Variants in GRB10 observed in about 807,000 individuals in gnomAD.
GRB10 encodes growth factor receptor-bound protein 10.
Under a neutral mutation model 80.9 loss-of-function variants are expected in GRB10, and 20 were observed. That is an observed-to-expected ratio of 0.25 (90% CI 0.17 to 0.36). The LOEUF (loss-of-function observed/expected upper bound fraction) is 0.36. Among genes scored for constraint, GRB10 ranks in the 10% least tolerant of loss-of-function variants. The pLI is 1.00. For missense variants in GRB10, 548 were observed against 747.7 expected, an observed-to-expected ratio of 0.73 and a Z score of 3.12; for synonymous variants, 291 against 291.5, an observed-to-expected ratio of 1.00 and a Z score of 0.02.
At chr7:50,686,242 C>A (rs1370946013) in intron 5 of GRB10, among the ~76,000 whole-genome samples, 2 of 152,122 alleles carry the variant, frequency 1.3e-5, no homozygotes, top group East Asian at 3.9e-4. Context: ...TGGAGAGACC[C>A]TTCCCCATTC....
At chr7:50,627,285 G>A (rs972498474) in intron 7 of GRB10, among the ~76,000 whole-genome samples, 2 of 152,140 alleles carry the variant, frequency 1.3e-5, no homozygotes, top group Non-Finnish European at 2.9e-5. Flanking sequence ...AGAAGTGACA[G>A]GATTCACAGG....
chr7:50,617,066 T>G (rs1417427910), intron 10 of GRB10, among the ~76,000 whole-genome samples: 2 of 152,176 alleles, frequency 1.3e-5, no homozygotes, highest in Non-Finnish European at 2.9e-5. Context: ...AAGAGATCAC[T>G]GCACATCTTC....
chr7:50,725,031 T>C (rs2068374474), intron 4 of GRB10, among the ~76,000 whole-genome samples: 1 of 152,206 alleles, frequency 6.6e-6, no homozygotes, highest in East Asian at 1.9e-4. Context: ...GCAAGGTAGC[T>C]GTGCCTGCTG....
intron 1 of GRB10, among the ~76,000 whole-genome samples, chr7:50,788,824 T>G (rs2078798660): frequency 6.6e-6 from 1 of 152,188 alleles, no homozygotes; most frequent in Non-Finnish European, 1.5e-5. Context: ...CTAGGATAAG[T>G]GCCTCTGTAA....
intron 12 of GRB10, among the ~76,000 whole-genome samples, chr7:50,613,404 T>C (rs1029938054): frequency 4.6e-5 from 7 of 152,006 alleles, no homozygotes; most frequent in Non-Finnish European, 1.0e-4. Context: ...CTCTGGAGAA[T>C]GAGACAGAAG....
At chr7:50,691,247 G>A (rs1316667153) in intron 5 of GRB10, among the ~76,000 whole-genome samples, 1 of 152,150 alleles carries the variant, frequency 6.6e-6, no homozygotes, top group Non-Finnish European at 1.5e-5. Flanking sequence ...CAAAAAGAAA[G>A]AAAATACTGG....
intron 2 of GRB10, among the ~76,000 whole-genome samples, chr7:50,778,191 A>C (rs888205018): frequency 2.0e-5 from 3 of 152,254 alleles, no homozygotes; most frequent in Non-Finnish European, 2.9e-5. Context: ...TTAAAGTGTC[A>C]TAATACATTG....
chr7:50,650,387 G>C (rs923018163), intron 7 of GRB10, among the ~76,000 whole-genome samples: 1 of 152,146 alleles, frequency 6.6e-6, no homozygotes, highest in Admixed American at 6.5e-5. Context: ...GGTCCTGGGA[G>C]GTCTGCAGAA....
chr7:50,755,302 C>T (rs1289654333), intron 3 of GRB10, among the ~76,000 whole-genome samples: 6 of 152,194 alleles, frequency 3.9e-5, no homozygotes, highest in Non-Finnish European at 8.8e-5. Flanking sequence ...AGAGAAGGTC[C>T]ATTCCCAGAA....
intron 4 of GRB10, among the ~76,000 whole-genome samples, chr7:50,728,213 A>G (rs1449693725): frequency 3.9e-5 from 1 of 25,834 alleles, no homozygotes; most frequent in African/African-American, 1.9e-4. Flanking sequence ...TAGCCAAAGT[A>G]TGGGGGGGGG....
At chr7:50,672,681 A>G (rs1317797817) in intron 6 of GRB10, among the ~76,000 whole-genome samples, 1 of 152,146 alleles carries the variant, frequency 6.6e-6, no homozygotes, top group East Asian at 1.9e-4. Flanking sequence ...TCGAGGTTCA[A>G]GGGTCCTGGG....
intron 10 of GRB10, 106 bp downstream of exon 10, chr7:50,617,965 G>T: frequency 1.0e-6 from 1 of 971,454 alleles, no homozygotes; most frequent in Non-Finnish European, 1.7e-6. Context: ...GTTATAAATG[G>T]TGAAAGATGC....
intron 5 of GRB10, among the ~76,000 whole-genome samples, chr7:50,687,045 T>C (rs1287055714): frequency 6.6e-6 from 1 of 152,164 alleles, no homozygotes; most frequent in African/African-American, 2.4e-5. Context: ...TACACGTTAG[T>C]TGAGTAGGTG....
At position 50,616,229 on chromosome 7, in the gene GRB10, G is replaced by A; in HGVS notation, c.965C>T (p.Ser322Phe). Reference protein sequence around the residue: ...VCLRRSGLYCSTKGTSKEPRH... With the variant: ...VCLRRSGLYCFTKGTSKEPRH... ...GCTCACCTTTGAAGTTCCCTTGGTG[G>A]AGCAATAAAGGCCAGATCTCCGCAA... The change falls in exon 11 of 19, where the codon TCC (serine) becomes TTC (phenylalanine). Residue 322 changes from serine to phenylalanine, a missense_variant. By Grantham distance (155) the Ser-to-Phe change is radical. Transcript: ENST00000401949. The A allele has an allele frequency of 6.2e-7, 1 of 1,614,162 alleles. No homozygotes were observed. Among genetic ancestry groups the A allele is most frequent in the Non-Finnish European group, 8.5e-7 (1 of 1,180,022 alleles).
At chr7:50,711,786 T>TA (rs1201371794) in intron 4 of GRB10, among the ~76,000 whole-genome samples, 4 of 152,200 alleles carry the variant, frequency 2.6e-5, no homozygotes, top group African/African-American at 4.8e-5. Context: ...TATTAAATAT[T>TA]AATGTAAAAA....
chr7:50,707,715 G>A (rs1409705918), intron 4 of GRB10, among the ~76,000 whole-genome samples: 3 of 152,152 alleles, frequency 2.0e-5, no homozygotes, highest in Non-Finnish European at 4.4e-5. Flanking sequence ...GCTACCCCAC[G>A]TATTTCAAAG....
intron 17 of GRB10, among the ~76,000 whole-genome samples, chr7:50,600,643 C>A (rs1024696562): frequency 1.4e-4 from 22 of 152,124 alleles, no homozygotes; most frequent in African/African-American, 5.3e-4. Context: ...GAATGCACCC[C>A]TTTATGATTT....
intron 5 of GRB10, among the ~76,000 whole-genome samples, chr7:50,677,762 T>TGG (rs1189016457): frequency 6.6e-6 from 1 of 152,210 alleles, no homozygotes; most frequent in Non-Finnish European, 1.5e-5. Flanking sequence ...AAGTCAATAC[T>TGG]GGCCAAAACA....
chr7:50,707,024 C>A (rs2065133724), intron 4 of GRB10, among the ~76,000 whole-genome samples: 1 of 152,182 alleles, frequency 6.6e-6, no homozygotes. Context: ...TCCCACTTTG[C>A]ATGTCTTTAA....
Sources: allele counts gnomAD v4.1 joint callset (sites outside exome capture counted in the v4.1 genomes callset), GRCh38; gene constraint gnomAD v4.1.1; transcripts MANE v1.5; gene names NCBI Gene and HGNC (gene_info 2026-07-23, HGNC 2026-07-21).